NCKAP1: variants seen among roughly 807,000 people sequenced by gnomAD.
NCKAP1 encodes the protein nck-associated protein 1.
A neutral mutation model predicts 151.2 loss-of-function variants in NCKAP1; 21 were observed. The observed-to-expected ratio is 0.14, with a 90% CI of 0.10 to 0.20. The LOEUF is 0.20. NCKAP1 is among the 10% of genes least tolerant of loss of function. The pLI is 1.00. For missense variants in NCKAP1, 933 were observed against 1,352.1 expected, an observed-to-expected ratio of 0.69 and a Z score of 4.86; for synonymous variants, 484 against 451.8, an observed-to-expected ratio of 1.07 and a Z score of -0.90.
intron 1 of NCKAP1, among the ~76,000 whole-genome samples, chr2:183,036,617 C>T (rs1699106684): frequency 6.6e-6 from 1 of 152,122 alleles, no homozygotes; most frequent in Admixed American, 6.5e-5. Context: ...AGGTAACAAA[C>T]TGAGTAAGCA....
intron 6 of NCKAP1, among the ~76,000 whole-genome samples, chr2:182,999,293 C>T (rs1255043043): frequency 6.6e-6 from 1 of 151,948 alleles, no homozygotes; most frequent in Non-Finnish European, 1.5e-5. Flanking sequence ...CTTAAATCAA[C>T]AAGAAAAAAT....
intron 2 of NCKAP1, among the ~76,000 whole-genome samples, chr2:183,020,309 A>G (rs1488708696): frequency 6.6e-6 from 1 of 151,818 alleles, no homozygotes; most frequent in Non-Finnish European, 1.5e-5. Context: ...CAAAATATAC[A>G]AAAAGTTAGC....
intron 6 of NCKAP1, among the ~76,000 whole-genome samples, chr2:183,000,499 G>A (rs1196708942): frequency 1.3e-5 from 2 of 152,098 alleles, no homozygotes; most frequent in Non-Finnish European, 2.9e-5. Context: ...GAGAGGAATA[G>A]AAAAGACAGT....
intron 23 of NCKAP1, among the ~76,000 whole-genome samples, chr2:182,949,556 C>A (rs1172917910): frequency 6.6e-6 from 1 of 152,180 alleles, no homozygotes. Context: ...AATCCCAGCA[C>A]TTTAAGAGGC....
At chr2:182,948,006 G>A (rs1697142339) in intron 23 of NCKAP1, among the ~76,000 whole-genome samples, 1 of 152,018 alleles carries the variant, frequency 6.6e-6, no homozygotes, top group Non-Finnish European at 1.5e-5. Flanking sequence ...TGGATTATTA[G>A]GAGAGAACTC....
At chr2:183,029,268 T>C (rs1698959444) in intron 1 of NCKAP1, among the ~76,000 whole-genome samples, 1 of 152,022 alleles carries the variant, frequency 6.6e-6, no homozygotes, top group Non-Finnish European at 1.5e-5. Flanking sequence ...AAAAGAAACA[T>C]CTTTGATTAG....
In NCKAP1 at chr2:182,922,356, A is replaced by G. The variant is rs1406989977; in HGVS notation, c.*3346T>C. The stretch of plus-strand genomic sequence containing the variant: ...GTTCATTTCCTTTATTAACCAGCCT[A>G]CATTAGATTTAATTTGTGAACTCTG... On this transcript the variant is annotated 3_prime_UTR_variant, in exon 31 of 31. Coordinates refer to ENST00000361354, the MANE Select transcript of NCKAP1 (RefSeq NM_013436.5). 6.6e-6 allele frequency: 1 copy of G among 152,232 alleles called. No individual in the cohort carries two copies. The highest frequency in any genetic ancestry group is 2.4e-5 in the African/African-American group (1 of 41,468). The allele number at this position is 152,232 out of a possible 1,614,324, so 9.4% of individuals were successfully genotyped here. A position where few individuals can be genotyped will look rare whatever the true frequency, so the allele number is the denominator to read the frequency against.
At chr2:182,986,789 AC>A (rs1395178241) in intron 9 of NCKAP1, among the ~76,000 whole-genome samples, 1 of 152,192 alleles carries the variant, frequency 6.6e-6, no homozygotes, top group East Asian at 1.9e-4. Flanking sequence ...TTTTAAAAAA[AC>A]TTATTTTTCA....
At chr2:183,003,580 AGT>A (rs1344176291) in intron 2 of NCKAP1, among the ~76,000 whole-genome samples, 1 of 152,074 alleles carries the variant, frequency 6.6e-6, no homozygotes, top group Non-Finnish European at 1.5e-5. Flanking sequence ...AAAATCTGAA[AGT>A]GTTAGGAAAA....
In NCKAP1 at chr2:182,910,208, A is replaced by G. The variant is rs1696365770; in HGVS notation, c.*15494T>C. On this transcript the variant is annotated 3_prime_UTR_variant, in exon 31 of 31. Transcript: ENST00000361354. ...TCAAGGAGCTGCCTCACTAAACTCT[A>G]CATCATTTTGGAGTCCAAGTAAACC... The G allele has an allele frequency of 6.6e-6, 1 of 152,180 alleles. No individual in the cohort carries two copies. Among genetic ancestry groups the G allele is most frequent in the Non-Finnish European group, 1.5e-5 (1 of 68,054 alleles). The allele number at this position is 152,180 out of a possible 1,614,324, so 9.4% of individuals were successfully genotyped here.
At chr2:183,006,953 T>G (rs952718859) in intron 2 of NCKAP1, among the ~76,000 whole-genome samples, 1 of 151,802 alleles carries the variant, frequency 6.6e-6, no homozygotes, top group Admixed American at 6.6e-5. Context: ...CTCACTGCAA[T>G]CTCTGCCTTC....
At chr2:182,972,510 T>G (rs1697721305) in intron 15 of NCKAP1, among the ~76,000 whole-genome samples, 1 of 152,154 alleles carries the variant, frequency 6.6e-6, no homozygotes, top group Admixed American at 6.5e-5. Context: ...AAAACAGTAG[T>G]GTCTGAGGTT....
chr2:182,926,777 A>C (rs1354206169), intron 30 of NCKAP1, 39 bp downstream of exon 30: 2 of 1,368,382 alleles, frequency 1.5e-6, no homozygotes, highest in African/African-American at 2.9e-5. Context: ...GAACGACTGG[A>C]ACTTTTTTAT....
rs75498940 is a variant in NCKAP1, at chr2:183,016,854, G to T, written c.219+6952C>A. ...TTGGATGGCATACAAATCAATGTTT[G>T]GATTAACATGGCATTTGTCCCGGCA... On this transcript the variant is annotated intron_variant, in intron 2 of 30. Coordinates refer to ENST00000361354, the MANE Select transcript of NCKAP1 (RefSeq NM_013436.5). 1.1e-3 allele frequency among the ~76,000 whole-genome samples: 160 copies of T among 152,244 alleles called. 2 individuals are homozygous for T. In the East Asian group the frequency reaches 0.026, roughly 25 times the overall value.
intron 20 of NCKAP1, 76 bp from the exon 21 acceptor site, chr2:182,953,407 G>T: frequency 3.3e-6 from 3 of 902,786 alleles, no homozygotes; most frequent in South Asian, 1.8e-5. Context: ...TCAACCTACT[G>T]TTATCTAATA....
chr2:183,028,759 C>T (rs1482667831), intron 1 of NCKAP1, among the ~76,000 whole-genome samples: 2 of 151,940 alleles, frequency 1.3e-5, no homozygotes, highest in Non-Finnish European at 2.9e-5. Flanking sequence ...TTAAATAAAA[C>T]TTCTTTATAT....
At chr2:182,976,460 A>C (rs182240032) in intron 15 of NCKAP1, among the ~76,000 whole-genome samples, 1 of 152,366 alleles carries the variant, frequency 6.6e-6, no homozygotes, top group Admixed American at 6.5e-5. Flanking sequence ...AGGTGCTCTC[A>C]CACTGCAATG....
intron 10 of NCKAP1, 36 bp from the exon 11 acceptor site, chr2:182,983,418 CTACTAAAATTATTA>C: frequency 7.0e-7 from 1 of 1,431,634 alleles, no homozygotes; most frequent in Non-Finnish European, 9.8e-7. Flanking sequence ...TTATCTGCTT[CTACTAAAATTATTA>C]TTGGCAATTA....
At chr2:182,971,422 C>T (rs976908078) in intron 15 of NCKAP1, among the ~76,000 whole-genome samples, 2 of 146,438 alleles carry the variant, frequency 1.4e-5, no homozygotes, top group Non-Finnish European at 3.0e-5. Flanking sequence ...AAAAAGATAT[C>T]TCATGTTCAT....
Sources: allele counts gnomAD v4.1 joint callset (sites outside exome capture counted in the v4.1 genomes callset), GRCh38; gene constraint gnomAD v4.1.1; transcripts MANE v1.5; gene names NCBI Gene and HGNC (gene_info 2026-07-23, HGNC 2026-07-21).